The following TBC1D5 variants were observed in gnomAD, a reference collection of about 807,000 sequenced individuals.
The protein encoded by TBC1D5 is TBC1 domain family, member 5.
In TBC1D5, 75 loss-of-function variants were observed where a neutral mutation model predicts 100.3. The observed-to-expected ratio is 0.75, with a 90% CI of 0.62 to 0.91. The LOEUF (loss-of-function observed/expected upper bound fraction) is 0.91. Ranked by LOEUF, TBC1D5 falls within the 40% of genes least tolerant of loss-of-function variation. TBC1D5 has a pLI of 0.00. For missense variants in TBC1D5, 910 were observed against 942.4 expected (o/e 0.97, Z 0.45); for synonymous variants, 323 against 325.6 (o/e 0.99, Z 0.09).
intron 8 of TBC1D5, among the ~76,000 whole-genome samples, chr3:17,393,119 T>TG (rs999800313): frequency 5.0e-5 from 2 of 39,966 alleles, no homozygotes; most frequent in Non-Finnish European, 1.0e-4. Flanking sequence ...GATGATGAGG[T>TG]TTTTTTTTTT....
At chr3:17,633,473 G>C (rs955204890) in intron 1 of TBC1D5, among the ~76,000 whole-genome samples, 1 of 151,988 alleles carries the variant, frequency 6.6e-6, no homozygotes, top group Non-Finnish European at 1.5e-5. Flanking sequence ...CCTAATTTAG[G>C]TCAGAGAATA....
At chr3:17,668,368 T>C (rs1272536798) in intron 1 of TBC1D5, among the ~76,000 whole-genome samples, 1 of 152,042 alleles carries the variant, frequency 6.6e-6, no homozygotes, top group East Asian at 1.9e-4. Context: ...ATTTTTTTAC[T>C]GTTTGATTTT....
chr3:17,454,746 C>T (rs951356652), intron 3 of TBC1D5, among the ~76,000 whole-genome samples: 1 of 152,160 alleles, frequency 6.6e-6, no homozygotes, highest in African/African-American at 2.4e-5. Context: ...AGGCATGAGC[C>T]ACCGTGGCCC....
intron 17 of TBC1D5, among the ~76,000 whole-genome samples, chr3:17,224,378 A>C (rs2074612852): frequency 6.6e-6 from 1 of 152,254 alleles, no homozygotes; most frequent in Non-Finnish European, 1.5e-5. Context: ...TTTAGTATTC[A>C]CACTTAAAAA....
At chr3:17,740,169 C>A (rs1185102715) in exon 1 of TBC1D5, 1 of 151,462 alleles carries the variant, frequency 6.6e-6, no homozygotes, top group African/African-American at 2.4e-5. Flanking sequence ...AAAGAACATA[C>A]AAAATAAAAT....
At chr3:17,660,506 A>G (rs1377909867) in intron 1 of TBC1D5, among the ~76,000 whole-genome samples, 1 of 152,254 alleles carries the variant, frequency 6.6e-6, no homozygotes. Context: ...TGGTCCAGAG[A>G]TAACATATGA....
intron 2 of TBC1D5, among the ~76,000 whole-genome samples, chr3:17,554,856 TTC>T (rs1560150435): frequency 2.6e-5 from 4 of 151,848 alleles, no homozygotes; most frequent in African/African-American, 9.7e-5. Context: ...CTTTTTTTTT[TTC>T]TTTTTTTTTG....
At chr3:17,712,414 T>C (rs145316632) in intron 1 of TBC1D5, among the ~76,000 whole-genome samples, 139 of 152,298 alleles carry the variant, frequency 9.1e-4, no homozygotes, top group African/African-American at 3.0e-3. Flanking sequence ...GGGCATCATT[T>C]TGTTTCCCAC....
At chr3:17,669,366 C>T (rs7631784) in intron 1 of TBC1D5, among the ~76,000 whole-genome samples, 8 of 151,872 alleles carry the variant, frequency 5.3e-5, no homozygotes, top group Non-Finnish European at 1.0e-4. Flanking sequence ...ACTAATACAA[C>T]GACAAAGAAG....
intron 15 of TBC1D5, among the ~76,000 whole-genome samples, chr3:17,288,640 G>T: frequency 6.6e-6 from 1 of 152,072 alleles, no homozygotes; most frequent in East Asian, 1.9e-4. Flanking sequence ...AAAAGCTCCG[G>T]ACCTAGCCAC....
At chr3:17,650,374 CAGAAATGGCTGGATTCTAATA>C (rs1347785217) in intron 1 of TBC1D5, among the ~76,000 whole-genome samples, 1 of 151,998 alleles carries the variant, frequency 6.6e-6, no homozygotes, top group Non-Finnish European at 1.5e-5. Flanking sequence ...TAGAGGTGGT[CAGAAATGGCTGGATTCTAATA>C]AGATGACCAA....
intron 13 of TBC1D5, among the ~76,000 whole-genome samples, chr3:17,368,499 A>C (rs1375355993): frequency 6.6e-6 from 1 of 152,072 alleles, no homozygotes; most frequent in Non-Finnish European, 1.5e-5. Flanking sequence ...AATTTTGACT[A>C]AAAGTAGAAA....
intron 1 of TBC1D5, among the ~76,000 whole-genome samples, chr3:17,731,382 T>TC (rs1231988473): frequency 6.6e-6 from 1 of 151,658 alleles, no homozygotes; most frequent in African/African-American, 2.4e-5. Flanking sequence ...ACGCCTATAG[T>TC]CCCAGCTACT....
rs557853475 is a variant in TBC1D5 at position 17,694,707 on chromosome 3, G to C, written c.-101+44636C>G. Among the ~76,000 whole-genome samples, 25 of 152,288 alleles carry C rather than the reference G, an allele frequency of 1.6e-4. No homozygotes were observed. In the South Asian group the frequency reaches 1.7e-3, roughly 10 times the overall value. On this transcript the variant is annotated intron_variant, in intron 1 of 21. Coordinates refer to ENST00000253692, the Ensembl canonical transcript of TBC1D5. ...TATCCAGGAAAAATTCCCCAACCTAGCAAGGCAGGCCAACATTCAAATTCA... is the reference window on the plus strand; with the variant it reads ...TATCCAGGAAAAATTCCCCAACCTACCAAGGCAGGCCAACATTCAAATTCA...
intron 2 of TBC1D5, among the ~76,000 whole-genome samples, chr3:17,561,721 T>C (rs1207987999): frequency 1.3e-5 from 2 of 152,050 alleles, no homozygotes; most frequent in South Asian, 2.1e-4. Flanking sequence ...AAAGGACAAA[T>C]CTGTTCTAAG....
chr3:17,655,122 C>G (rs2065934332), intron 1 of TBC1D5, among the ~76,000 whole-genome samples: 1 of 151,882 alleles, frequency 6.6e-6, no homozygotes, highest in South Asian at 2.1e-4. Flanking sequence ...CTCCTGGATT[C>G]ATTAATTTTT....
chr3:17,349,158 T>G (rs17043463), intron 13 of TBC1D5, among the ~76,000 whole-genome samples: 13,687 of 152,202 alleles, frequency 0.09, 1,407 homozygotes, highest in African/African-American at 0.25. Flanking sequence ...TTAATAAATG[T>G]CCCACAATGT....
At chr3:17,707,407 A>T (rs889872934) in intron 1 of TBC1D5, among the ~76,000 whole-genome samples, 1 of 152,156 alleles carries the variant, frequency 6.6e-6, no homozygotes, top group Non-Finnish European at 1.5e-5. Context: ...ATTTTTAAGT[A>T]CATTTTATTA....
chr3:17,266,544 A>G (rs555343985), intron 15 of TBC1D5, among the ~76,000 whole-genome samples: 7 of 152,252 alleles, frequency 4.6e-5, no homozygotes, highest in Admixed American at 1.3e-4. Context: ...CAGCCTTACC[A>G]TGAGTTAATT....
Sources: gnomAD v4.1 joint callset for allele counts (sites outside exome capture counted in the v4.1 genomes callset) on GRCh38, gnomAD v4.1.1 for gene constraint, MANE v1.5 for transcripts, NCBI Gene and HGNC (gene_info 2026-07-23, HGNC 2026-07-21) for gene names.